Variants in ROBO1 observed in about 807,000 individuals in gnomAD.
ROBO1 encodes the protein roundabout homolog 1.
A neutral mutation model predicts 195.9 loss-of-function variants in ROBO1; 149 were observed. The ratio of observed to expected loss-of-function variants is 0.76; its 90% CI spans 0.67 to 0.87. The LOEUF is 0.87. Ranked by LOEUF, ROBO1 falls within the 40% of genes least tolerant of loss-of-function variation. ROBO1 has a pLI of 0.00. For synonymous variants in ROBO1, 816 were observed against 733.2 expected, an observed-to-expected ratio of 1.11 and a Z score of -1.82; for missense variants, 1,933 against 2,068.3, an observed-to-expected ratio of 0.93 and a Z score of 1.27.
intron 4 of ROBO1, among the ~76,000 whole-genome samples, chr3:78,802,713 T>G (rs1292447057): frequency 2.0e-4 from 3 of 15,198 alleles, no homozygotes; most frequent in Non-Finnish European, 4.4e-4. Context: ...TCTAGCATCA[T>G]CATCATCATC....
At chr3:79,587,418 C>T (rs1293119785) in intron 2 of ROBO1, among the ~76,000 whole-genome samples, 3 of 151,912 alleles carry the variant, frequency 2.0e-5, no homozygotes, top group Admixed American at 1.3e-4. Flanking sequence ...AGTCTTGTTC[C>T]TGTAGACACC....
At chr3:79,152,286 CA>C (rs1182502783) in intron 2 of ROBO1, among the ~76,000 whole-genome samples, 1 of 151,672 alleles carries the variant, frequency 6.6e-6, no homozygotes, top group Non-Finnish European at 1.5e-5. Flanking sequence ...TTCTATTATC[CA>C]GAAGATAATA....
chr3:79,304,044 G>T (rs997648760), intron 2 of ROBO1, among the ~76,000 whole-genome samples: 1 of 152,152 alleles, frequency 6.6e-6, no homozygotes, highest in Admixed American at 6.5e-5. Context: ...TTTTAAAAAT[G>T]TCCCATTTGT....
chr3:79,519,352 C>T (rs529907214), intron 2 of ROBO1, among the ~76,000 whole-genome samples: 10 of 151,958 alleles, frequency 6.6e-5, no homozygotes, highest in Non-Finnish European at 1.0e-4. Context: ...GAAGTGTGGC[C>T]GGGCCTGGTG....
intron 4 of ROBO1, among the ~76,000 whole-genome samples, chr3:78,875,717 T>TA (rs1332189811): frequency 3.3e-5 from 5 of 152,014 alleles, no homozygotes; most frequent in African/African-American, 1.2e-4. Context: ...AATTTGGTTT[T>TA]AGGAAGCAAA....
chr3:79,763,610 T>G (rs1704827766), intron 1 of ROBO1, among the ~76,000 whole-genome samples: 1 of 152,162 alleles, frequency 6.6e-6, no homozygotes, highest in Non-Finnish European at 1.5e-5. Context: ...ACTGACGTAC[T>G]GGATCCTTAG....
intron 4 of ROBO1, among the ~76,000 whole-genome samples, chr3:78,932,698 A>G (rs1482786681): frequency 1.3e-5 from 2 of 152,160 alleles, no homozygotes; most frequent in African/African-American, 4.8e-5. Context: ...GAAAATACAT[A>G]TGAAATACCT....
At chr3:79,279,883 A>G (rs925408047) in intron 2 of ROBO1, among the ~76,000 whole-genome samples, 3 of 152,256 alleles carry the variant, frequency 2.0e-5, no homozygotes, top group African/African-American at 7.2e-5. Context: ...AATGTGATAT[A>G]TAGATCACAT....
At chr3:78,601,952 C>T (rs188126567) in intron 29 of ROBO1, among the ~76,000 whole-genome samples, 1 of 151,964 alleles carries the variant, frequency 6.6e-6, no homozygotes, top group East Asian at 1.9e-4. Flanking sequence ...CTACAGGTTT[C>T]TACTTTCAGC....
In ROBO1 at chr3:79,706,262, A is replaced by G. The variant is rs543705038; in HGVS notation, c.-51+61490T>C. On this transcript the variant is annotated intron_variant, in intron 1 of 30. Transcript: ENST00000464233. ...ACTGGAAAGCTTCTGGTTTCTCATG[A>G]TTAAGTATGAGTTTGTGTATAAATG... Among the ~76,000 whole-genome samples the G allele has an allele frequency of 3.4e-4, 52 of 152,232 alleles. No homozygotes were observed. In the South Asian group the frequency reaches 3.9e-3, roughly 12 times the overall value.
At chr3:79,421,068 G>GCAA (rs2038204372) in intron 2 of ROBO1, among the ~76,000 whole-genome samples, 1 of 152,044 alleles carries the variant, frequency 6.6e-6, no homozygotes, top group African/African-American at 2.4e-5. Context: ...AATGTCCTTT[G>GCAA]CAACAACATG....
At position 79,742,163 on chromosome 3, in the gene ROBO1, C is replaced by T. The variant is rs188329086; in HGVS notation, c.-51+25589G>A. Among the ~76,000 whole-genome samples, 622 of 152,322 alleles carry T rather than the reference C, an allele frequency of 4.1e-3. 4 individuals carry two copies. Among genetic ancestry groups the T allele is most frequent in the Non-Finnish European group, 5.1e-3 (350 of 68,030 alleles). ...TTTTCTGGGGAGAAATTCAAGCCTGCTGCACAAATTTCCATAAGTAAAGGG... is the reference window on the plus strand; with the variant it reads ...TTTTCTGGGGAGAAATTCAAGCCTGTTGCACAAATTTCCATAAGTAAAGGG... On this transcript the variant is annotated intron_variant, in intron 1 of 30. Coordinates refer to ENST00000464233, the MANE Select transcript of ROBO1 (RefSeq NM_002941.4).
intron 2 of ROBO1, among the ~76,000 whole-genome samples, chr3:79,484,759 T>TTC (rs1939066962): frequency 9.3e-6 from 1 of 107,960 alleles, no homozygotes; most frequent in African/African-American, 3.5e-5. Context: ...CACTATCTTT[T>TTC]TTTTTTTTTT....
At chr3:79,728,832 C>A (rs1703032256) in intron 1 of ROBO1, among the ~76,000 whole-genome samples, 1 of 152,058 alleles carries the variant, frequency 6.6e-6, no homozygotes, top group African/African-American at 2.4e-5. Context: ...ATAGCAAGTT[C>A]TCTTCCAAGA....
chr3:78,977,586 A>C (rs1178374040), intron 3 of ROBO1, among the ~76,000 whole-genome samples: 1 of 150,588 alleles, frequency 6.6e-6, no homozygotes, highest in African/African-American at 2.4e-5. Context: ...TGATTCAAGC[A>C]GTCAATATAT....
At chr3:79,078,069 A>AAT (rs1165045887) in intron 3 of ROBO1, among the ~76,000 whole-genome samples, 2 of 151,802 alleles carry the variant, frequency 1.3e-5, no homozygotes, top group Non-Finnish European at 2.9e-5. Flanking sequence ...TTGTGATTCT[A>AAT]ATATATATGT....
Position 79,403,637 on chromosome 3 carries a change from A to G in ROBO1, c.88+186187T>C, listed in dbSNP as rs568337428. ...ACCCTACTTTTGGGGATTAATTTTT[A>G]TGAGTTCAAATCACTAATTTTAAAA... On this transcript the variant is annotated intron_variant, in intron 2 of 30. Transcript: ENST00000464233. 2.0e-5 allele frequency among the ~76,000 whole-genome samples: 3 copies of G among 152,180 alleles called. No individual in the cohort carries two copies. The South Asian group carries it at 6.2e-4, about 32-fold the overall frequency.
intron 2 of ROBO1, among the ~76,000 whole-genome samples, chr3:79,208,149 C>T (rs2081905624): frequency 6.6e-6 from 1 of 152,108 alleles, no homozygotes; most frequent in Non-Finnish European, 1.5e-5. Context: ...TTTCAAAACT[C>T]TGATAATTGC....
intron 1 of ROBO1, among the ~76,000 whole-genome samples, chr3:79,625,434 A>AAAAAAAAAAAAAAAAAAAG (rs1199089411): frequency 7.0e-6 from 1 of 143,502 alleles, no homozygotes; most frequent in Non-Finnish European, 1.5e-5. Context: ...AAAAAAAAAA[A>AAAAAAAAAAAAAAAAAAAG]AAAAAAAAAA....
Sources: allele counts gnomAD v4.1 joint callset (sites outside exome capture counted in the v4.1 genomes callset), GRCh38; gene constraint gnomAD v4.1.1; transcripts MANE v1.5; gene names NCBI Gene and HGNC (gene_info 2026-07-23, HGNC 2026-07-21).